The following GASK1B variants were observed in gnomAD, a reference collection of about 807,000 sequenced individuals.
The protein encoded by GASK1B is Golgi-associated kinase 1B.
GASK1B carries 34 observed loss-of-function variants against 42.8 expected under a neutral mutation model. The ratio of observed to expected loss-of-function variants is 0.79; its 90% CI spans 0.60 to 1.06. The LOEUF (loss-of-function observed/expected upper bound fraction) is 1.06, where lower values mean the gene tolerates loss of function less well. Among genes scored for constraint, GASK1B ranks in the 50% least tolerant of loss-of-function variants. The probability of loss-of-function intolerance (pLI) is 0.00; values close to 1 mark genes in which losing one functional copy is unlikely to be tolerated. For missense variants in GASK1B, 686 were observed against 661.0 expected (o/e 1.04, Z -0.42); for synonymous variants, 262 against 259.1 (o/e 1.01, Z -0.11).
At chr4:158,152,169 C>T (rs1022409726) in intron 3 of GASK1B, among the ~76,000 whole-genome samples, 1 of 152,144 alleles carries the variant, frequency 6.6e-6, no homozygotes, top group Non-Finnish European at 1.5e-5. Flanking sequence ...GCTGCACTGT[C>T]GACTTCCTTG....
intron 3 of GASK1B, among the ~76,000 whole-genome samples, chr4:158,149,257 T>C (rs1384109774): frequency 6.6e-6 from 1 of 152,234 alleles, no homozygotes; most frequent in African/African-American, 2.4e-5. Flanking sequence ...TCATGCACTA[T>C]ATTTTCTTAA....
intron 3 of GASK1B, among the ~76,000 whole-genome samples, chr4:158,133,880 G>A (rs1288015289): frequency 6.6e-6 from 1 of 152,016 alleles, no homozygotes; most frequent in Non-Finnish European, 1.5e-5. Flanking sequence ...ATCTATATAT[G>A]TACTTGATGG....
In GASK1B at chr4:158,136,388, A is replaced by G. The variant is rs181400644; in HGVS notation, c.1126-5376T>C. Among the ~76,000 whole-genome samples, 239 of 152,168 alleles carry G rather than the reference A, an allele frequency of 1.6e-3. 1 individual carries two copies. The highest frequency in any genetic ancestry group is 4.8e-3 in the South Asian group (23 of 4,814). The stretch of plus-strand genomic sequence containing the variant: ...TGTGCCTATAAAAAAAAAAGCTAAA[A>G]ATTTTTTATGTGTCTGCAAGTTTCA... On this transcript the variant is annotated intron_variant, in intron 3 of 4. Coordinates refer to ENST00000585682, the MANE Select transcript of GASK1B (RefSeq NM_001128424.2).
chr4:158,153,193 T>G (rs1731623527), intron 3 of GASK1B, among the ~76,000 whole-genome samples: 1 of 152,194 alleles, frequency 6.6e-6, no homozygotes, highest in Non-Finnish European at 1.5e-5. Flanking sequence ...GTAGCTCTGC[T>G]ATACACCAAC....
intron 2 of GASK1B, among the ~76,000 whole-genome samples, chr4:158,159,150 T>C (rs1274454274): frequency 2.0e-5 from 3 of 152,146 alleles, no homozygotes; most frequent in African/African-American, 4.8e-5. Flanking sequence ...AGCAAAATAT[T>C]TTGAATGCCA....
Position 158,155,821 on chromosome 4 carries a change from G to A in GASK1B, c.915C>T (p.Gly305=), listed in dbSNP as rs1469289584. Residue 305 remains glycine, a synonymous_variant, in exon 3 of 5, where the codon GGC becomes GGT. Coordinates refer to ENST00000585682, the MANE Select transcript of GASK1B (RefSeq NM_001128424.2). ...CCCAAAGAATGATGGGGCATGGGCGGCCATCTATAGAATCAGAAAAACAAA... is the reference window on the plus strand; with the variant it reads ...CCCAAAGAATGATGGGGCATGGGCGACCATCTATAGAATCAGAAAAACAAA... ...VSRKAEFIQD[G]RPCPIILWDA... 2 of 1,613,110 alleles carry A rather than the reference G, an allele frequency of 1.2e-6. No individual in the cohort carries two copies. The highest frequency in any genetic ancestry group is 1.3e-5 in the African/African-American group (1 of 74,884).
intron 3 of GASK1B, among the ~76,000 whole-genome samples, chr4:158,148,061 A>G (rs1462269356): frequency 6.6e-6 from 1 of 152,072 alleles, no homozygotes; most frequent in Non-Finnish European, 1.5e-5. Flanking sequence ...AATTTTTTGA[A>G]TGTTTTAAAA....
At chr4:158,168,334 A>T (rs1414125322) in intron 2 of GASK1B, 1 of 152,194 alleles carries the variant, frequency 6.6e-6, no homozygotes, top group African/African-American at 2.4e-5. Flanking sequence ...CAGAGCAAAG[A>T]ATTAAATATC....
chr4:158,159,327 G>C (rs946806016), intron 2 of GASK1B, among the ~76,000 whole-genome samples: 1 of 152,124 alleles, frequency 6.6e-6, no homozygotes, highest in African/African-American at 2.4e-5. Flanking sequence ...ATATACGTGT[G>C]TGTGGCCCTT....
chr4:158,131,697 C>T (rs372424013), intron 3 of GASK1B, among the ~76,000 whole-genome samples: 28 of 152,198 alleles, frequency 1.8e-4, no homozygotes, highest in African/African-American at 6.5e-4. Context: ...ATTCCATTTC[C>T]ATTGGGTAAG....
intron 4 of GASK1B, among the ~76,000 whole-genome samples, chr4:158,130,167 A>G (rs1714438926): frequency 6.6e-6 from 1 of 152,096 alleles, no homozygotes; most frequent in Non-Finnish European, 1.5e-5. Context: ...TTCCCTAACT[A>G]GCCTCCATAA....
intron 3 of GASK1B, among the ~76,000 whole-genome samples, chr4:158,143,520 G>A (rs6833295): frequency 1.3e-5 from 2 of 151,782 alleles, no homozygotes; most frequent in Admixed American, 6.6e-5. Context: ...ACAGCATCCC[G>A]ATCTACATTG....
intron 3 of GASK1B, among the ~76,000 whole-genome samples, chr4:158,154,165 G>A (rs1258427818): frequency 6.7e-4 from 87 of 129,606 alleles, no homozygotes; most frequent in East Asian, 1.1e-3. Flanking sequence ...AAATCAGCAA[G>A]AAAAAAAAAA....
chr4:158,148,954 T>C (rs532167195), intron 3 of GASK1B, among the ~76,000 whole-genome samples: 20 of 152,280 alleles, frequency 1.3e-4, no homozygotes, highest in Non-Finnish European at 2.5e-4. Flanking sequence ...GAGAAATATC[T>C]CTCTTCCTCT....
At position 158,151,496 on chromosome 4, in the gene GASK1B, T is replaced by C. The variant is rs1382137983; in HGVS notation, c.1125+4115A>G. Among the ~76,000 whole-genome samples the C allele has an allele frequency of 5.9e-5, 9 of 152,298 alleles. 2 individuals are homozygous for C. In the South Asian group the frequency reaches 1.9e-3, roughly 32 times the overall value. ...ACTCACCTCCCAAATGGGGTAAGAC[T>C]ATTCCTCATACCTCAATAAATGGTA... is the stretch of plus-strand genomic sequence containing the variant. On this transcript the variant is annotated intron_variant, in intron 3 of 4. Transcript: ENST00000585682.
chr4:158,138,898 T>G (rs1211574467), intron 3 of GASK1B, among the ~76,000 whole-genome samples: 1 of 152,174 alleles, frequency 6.6e-6, no homozygotes, highest in African/African-American at 2.4e-5. Context: ...AAAAATTACT[T>G]TTACATATAC....
chr4:158,159,562 G>T (rs1471159147), intron 2 of GASK1B: 4 of 443,212 alleles, frequency 9.0e-6, no homozygotes, highest in Admixed American at 7.6e-5. Flanking sequence ...CCACATTCAG[G>T]TTTGTCAAAA....
chr4:158,142,924 G>C (rs1731191240), intron 3 of GASK1B, among the ~76,000 whole-genome samples: 1 of 152,150 alleles, frequency 6.6e-6, no homozygotes, highest in East Asian at 1.9e-4. Flanking sequence ...ATATAGAGAT[G>C]AAGTCCATTG....
At chr4:158,139,228 A>G (rs532024655) in intron 3 of GASK1B, among the ~76,000 whole-genome samples, 2 of 152,328 alleles carry the variant, frequency 1.3e-5, no homozygotes, top group Admixed American at 6.5e-5. Flanking sequence ...GAAGATTACA[A>G]CTTAATGCCT....
Sources: allele counts gnomAD v4.1 joint callset (sites outside exome capture counted in the v4.1 genomes callset), GRCh38; gene constraint gnomAD v4.1.1; transcripts MANE v1.5; gene names NCBI Gene and HGNC (gene_info 2026-07-23, HGNC 2026-07-21).